Variants in FHIT observed in about 807,000 individuals in gnomAD.
FHIT encodes the protein bis(5'-adenosyl)-triphosphatase.
In FHIT, 19 loss-of-function variants were observed where a neutral mutation model predicts 17.9. The ratio of observed to expected loss-of-function variants is 1.06; its 90% CI spans 0.74 to 1.56. The LOEUF (loss-of-function observed/expected upper bound fraction) is 1.56, where lower values mean the gene tolerates loss of function less well. FHIT is among the 40% of genes most tolerant of loss of function. The probability of loss-of-function intolerance (pLI) is 0.00; values close to 1 mark genes in which losing one functional copy is unlikely to be tolerated. For missense variants in FHIT, 248 were observed against 189.2 expected (o/e 1.31, Z -1.82); for synonymous variants, 81 against 69.7 (o/e 1.16, Z -0.81).
chr3:60,051,522 C>G (rs908714199), intron 5 of FHIT, among the ~76,000 whole-genome samples: 1 of 152,008 alleles, frequency 6.6e-6, no homozygotes, highest in Non-Finnish European at 1.5e-5. Context: ...AGTACATTTC[C>G]GTAAGATATG....
At chr3:60,568,346 C>G (rs550561766) in intron 4 of FHIT, among the ~76,000 whole-genome samples, 1 of 152,146 alleles carries the variant, frequency 6.6e-6, no homozygotes, top group South Asian at 2.1e-4. Context: ...TCTCAGCAAA[C>G]TATCACAAGG....
At chr3:60,732,280 G>A in intron 4 of FHIT, 1 of 932,270 alleles carries the variant, frequency 1.1e-6, no homozygotes, top group Non-Finnish European at 1.8e-6. Flanking sequence ...TCCAACCACT[G>A]AGTCTTGGCA....
Position 60,436,567 on chromosome 3 carries a change from G to A in FHIT, c.103+100293C>T, listed in dbSNP as rs545016138. 7.5e-3 allele frequency among the ~76,000 whole-genome samples: 818 copies of A among 108,416 alleles called. 9 individuals are homozygous for A. The highest frequency in any genetic ancestry group is 0.02 in the African/African-American group (787 of 38,492). 71.1% of individuals were successfully genotyped at this position (108,416 alleles called of 152,430 possible). ...TTTTAGTTTCTTCACCAATGTAAAG[G>A]AAATGTTTACTTTGATATTTCAGCA... On this transcript the variant is annotated intron_variant, in intron 5 of 9. Transcript: ENST00000492590.
At chr3:59,961,825 G>T (rs558091555) in intron 7 of FHIT, among the ~76,000 whole-genome samples, 1 of 152,158 alleles carries the variant, frequency 6.6e-6, no homozygotes, top group Non-Finnish European at 1.5e-5. Context: ...CATTGATCTC[G>T]CTGGAAGCTG....
At chr3:61,162,598 G>GA (rs1262496307) in intron 2 of FHIT, among the ~76,000 whole-genome samples, 5 of 152,014 alleles carry the variant, frequency 3.3e-5, no homozygotes, top group Admixed American at 6.6e-5. Context: ...GCATTTGCAG[G>GA]AAAAAAATTG....
At position 60,570,865 on chromosome 3, in the gene FHIT, T is replaced by A. The variant is rs564042563; in HGVS notation, c.-17-33886A>T. ...TGTCAACACAAAAATGAAAAAAAAA[T>A]AGTGCACTAGTTCCAAAGTTCCCAG... On this transcript the variant is annotated intron_variant, in intron 4 of 9. Coordinates refer to ENST00000492590, the MANE Select transcript of FHIT (RefSeq NM_002012.4). Among the ~76,000 whole-genome samples, 448 of 142,272 alleles carry A rather than the reference T, an allele frequency of 3.1e-3. 12 individuals are homozygous for A. Among genetic ancestry groups the A allele is most frequent in the Non-Finnish European group, 1.1e-3 (70 of 65,524 alleles). 93.3% of individuals were successfully genotyped at this position (142,272 alleles called of 152,430 possible).
chr3:60,042,817 T>C (rs2106840156), intron 5 of FHIT, among the ~76,000 whole-genome samples: 1 of 151,920 alleles, frequency 6.6e-6, no homozygotes, highest in Non-Finnish European at 1.5e-5. Flanking sequence ...TAACCAAACA[T>C]AAAAACTTTA....
intron 8 of FHIT, among the ~76,000 whole-genome samples, chr3:59,820,087 T>A (rs1420281195): frequency 6.6e-6 from 1 of 152,236 alleles, no homozygotes; most frequent in Non-Finnish European, 1.5e-5. Flanking sequence ...ACTTCTTTTT[T>A]AAATTACCCA....
At chr3:59,921,775 T>C (rs1013486197) in intron 8 of FHIT, among the ~76,000 whole-genome samples, 7 of 152,256 alleles carry the variant, frequency 4.6e-5, no homozygotes, top group Non-Finnish European at 8.8e-5. Context: ...TGCTGGTTCA[T>C]GTTTGTAGTG....
chr3:60,448,897 C>T (rs1261803947), intron 5 of FHIT, among the ~76,000 whole-genome samples: 1 of 152,098 alleles, frequency 6.6e-6, no homozygotes, highest in African/African-American at 2.4e-5. Flanking sequence ...AGGGATATCA[C>T]ACACAGGCAA....
Position 61,083,827 on chromosome 3 carries a change from A to G in FHIT, c.-163-41728T>C, listed in dbSNP as rs888398992. ...TCAAGGTTCATCCATGTTGCAGCAT[A>G]TATGAGTACTTCTCTACTTGTTTGT... On this transcript the variant is annotated intron_variant, in intron 2 of 9. Transcript: ENST00000492590. 5.3e-5 allele frequency among the ~76,000 whole-genome samples: 8 copies of G among 152,326 alleles called. 1 individual carries two copies. Among genetic ancestry groups the G allele is most frequent in the African/African-American group, 1.9e-4 (8 of 41,564 alleles).
chr3:61,095,453 C>T (rs1050831342), intron 2 of FHIT, among the ~76,000 whole-genome samples: 1 of 152,186 alleles, frequency 6.6e-6, no homozygotes, highest in Non-Finnish European at 1.5e-5. Flanking sequence ...CAATCTCCTT[C>T]ATTCCTCTCA....
intron 7 of FHIT, among the ~76,000 whole-genome samples, chr3:59,944,281 A>T (rs528121851): frequency 6.6e-6 from 1 of 152,280 alleles, no homozygotes; most frequent in South Asian, 2.1e-4. Context: ...GTTCAATGCC[A>T]TTTTATCTCA....
chr3:60,609,236 T>C (rs1262595072), intron 4 of FHIT, among the ~76,000 whole-genome samples: 1 of 152,162 alleles, frequency 6.6e-6, no homozygotes, highest in African/African-American at 2.4e-5. Context: ...AGTATGTCCA[T>C]CCAACAAATC....
intron 4 of FHIT, among the ~76,000 whole-genome samples, chr3:60,567,219 G>T (rs1576893256): frequency 6.6e-6 from 1 of 152,028 alleles, no homozygotes. Context: ...ATACTACAAG[G>T]CTACAGTAAC....
At chr3:60,415,072 C>A (rs1014419587) in intron 5 of FHIT, among the ~76,000 whole-genome samples, 3 of 152,072 alleles carry the variant, frequency 2.0e-5, no homozygotes, top group African/African-American at 7.2e-5. Flanking sequence ...TAATAGGCAT[C>A]CTCAGGCATT....
chr3:59,792,880 G>C (rs892288964), intron 8 of FHIT, among the ~76,000 whole-genome samples: 7 of 146,684 alleles, frequency 4.8e-5, no homozygotes, highest in Admixed American at 2.7e-4. Flanking sequence ...TTTGGGGGGG[G>C]GGGTCATGAA....
chr3:60,328,372 C>T (rs112709495), intron 5 of FHIT, among the ~76,000 whole-genome samples: 7 of 152,194 alleles, frequency 4.6e-5, no homozygotes, highest in African/African-American at 1.7e-4. Context: ...TTAATGGACT[C>T]ACACTTCCAC....
chr3:60,706,961 C>A (rs1252996597), intron 4 of FHIT, among the ~76,000 whole-genome samples: 4 of 152,194 alleles, frequency 2.6e-5, no homozygotes, highest in Non-Finnish European at 5.9e-5. Flanking sequence ...AGACATCCAG[C>A]CTGCTCCATG....
Sources: gnomAD v4.1 joint callset for allele counts (sites outside exome capture counted in the v4.1 genomes callset) on GRCh38, gnomAD v4.1.1 for gene constraint, MANE v1.5 for transcripts, NCBI Gene and HGNC (gene_info 2026-07-23, HGNC 2026-07-21) for gene names.